The following NOVA2 variants were observed in gnomAD, a reference collection of about 807,000 sequenced individuals.
NOVA2 encodes the protein NOVA alternative splicing regulator 2, also known as RNA-binding protein Nova-2.
A neutral mutation model predicts 22.5 loss-of-function variants in NOVA2; 9 were observed. The ratio of observed to expected loss-of-function variants is 0.40; its 90% CI spans 0.24 to 0.70. NOVA2 has a LOEUF of 0.70. Ranked by LOEUF, NOVA2 falls within the 30% of genes least tolerant of loss-of-function variation. The pLI is 0.38. For missense variants in NOVA2, 383 were observed against 682.8 expected (o/e 0.56, Z 4.89); for synonymous variants, 318 against 335.2 (o/e 0.95, Z 0.56).
chr19:45,934,467 G>A lies in NOVA2; in HGVS notation c.*5396C>T, dbSNP rs78516034. 1,688 of 152,276 alleles carry A rather than the reference G, an allele frequency of 0.011. 16 individuals carry two copies. Among genetic ancestry groups the A allele is most frequent in the South Asian group, 0.021 (100 of 4,820 alleles). 9.4% of individuals were successfully genotyped at this position (152,276 alleles called of 1,614,324 possible). On this transcript the variant is annotated 3_prime_UTR_variant, in exon 4 of 4. Transcript: ENST00000263257. Reference sequence around the variant, plus strand: ...TCCACACCTCTCCCACCACCCTGCCGGGGAATCTATGCACCCCATCCCTCT... The same window carrying A: ...TCCACACCTCTCCCACCACCCTGCCAGGGAATCTATGCACCCCATCCCTCT...
At chr19:45,947,275 T>C (rs1600602258) in intron 3 of NOVA2, among the ~76,000 whole-genome samples, 1 of 151,982 alleles carries the variant, frequency 6.6e-6, no homozygotes, top group African/African-American at 2.4e-5. Context: ...AGCGAATAAA[T>C]AGACGGATGA....
chr19:45,970,964 C>T (rs1417770072), intron 1 of NOVA2, among the ~76,000 whole-genome samples: 2 of 152,086 alleles, frequency 1.3e-5, no homozygotes, highest in East Asian at 1.9e-4. Flanking sequence ...CTAGTTTCCC[C>T]GCTGTGGAGG....
At position 45,939,909 on chromosome 19, in the gene NOVA2, G is replaced by C. The variant is rs1349741250; in HGVS notation, c.1433C>G (p.Thr478Ser). 2.5e-6 allele frequency: 4 copies of C among 1,614,094 alleles called. No homozygotes were observed. The highest frequency in any genetic ancestry group is 3.4e-6 in the Non-Finnish European group (4 of 1,180,040). Residue 478 changes from threonine (T) to serine (S), a missense_variant, in exon 4 of 4, where the codon ACC (threonine) becomes AGC (serine). This residue lies in a region of NOVA2 where 34 missense variants were observed against 104.7 expected (regional missense o/e 0.32). Coordinates refer to ENST00000263257, the MANE Select transcript of NOVA2 (RefSeq NM_002516.4). ...AAQYLISQRV[T>S]YEQGVRASNP... ...TGAGGCCCTCACTCCCTGCTCGTAG[G>C]TGACCCGCTGACTGATGAGGTATTG...
intron 2 of NOVA2, among the ~76,000 whole-genome samples, chr19:45,960,641 T>G (rs1458962952): frequency 1.3e-5 from 2 of 150,966 alleles, no homozygotes; most frequent in Non-Finnish European, 2.9e-5. Flanking sequence ...GGAGCAAGTG[T>G]GTGGAACATG....
chr19:45,940,203 G>T lies in NOVA2; in HGVS notation c.1139C>A (p.Pro380Gln). 1 of 1,392,978 alleles carries T rather than the reference G, an allele frequency of 7.2e-7. No homozygotes were observed. The highest frequency in any genetic ancestry group is 2.7e-5 in the Admixed American group (1 of 36,506). The allele number at this position is 1,392,978 out of a possible 1,614,324, so 86.3% of individuals were successfully genotyped here. A position where few individuals can be genotyped will look rare whatever the true frequency, so the allele number is the denominator to read the frequency against. ...GGCCGCGGCTGCAGCGGCCACCAGC[G>T]GGCCGCCCCCTCCGCCCGCCCCGCC... Reference protein sequence around the residue: ...AGGGAGGGGGPLVAAAAAAGA... With the variant: ...AGGGAGGGGGQLVAAAAAAGA... Residue 380 changes from proline to glutamine, a missense_variant, in exon 4 of 4, where the codon CCG (proline) becomes CAG (glutamine). By Grantham distance (76) the Pro-to-Gln change is moderately conservative. Transcript: ENST00000263257.
intron 1 of NOVA2, 71 bp downstream of exon 1, chr19:45,973,196 G>T (rs952424209): frequency 2.8e-5 from 21 of 759,872 alleles, no homozygotes; most frequent in African/African-American, 3.7e-5. Flanking sequence ...TGCCACGGGA[G>T]GGGGGGAAAG....
At chr19:45,967,403 AG>A (rs1474784965) in intron 1 of NOVA2, 1 of 152,122 alleles carries the variant, frequency 6.6e-6, no homozygotes, top group Non-Finnish European at 1.5e-5. Context: ...CTTGTGAGAA[AG>A]TTCTCCCTTG....
At chr19:45,955,587 C>T (rs188334764) in intron 2 of NOVA2, among the ~76,000 whole-genome samples, 63 of 152,072 alleles carry the variant, frequency 4.1e-4, no homozygotes, top group Non-Finnish European at 7.4e-4. Context: ...TGGCCGGGTG[C>T]GGTGGCTCAC....
chr19:45,949,191 T>A (rs975010676), intron 3 of NOVA2, among the ~76,000 whole-genome samples: 1 of 152,010 alleles, frequency 6.6e-6, no homozygotes, highest in African/African-American at 2.4e-5. Flanking sequence ...TTTGGCATGA[T>A]GAAAATGTTC....
In NOVA2 at chr19:45,937,887, T is replaced by C. The variant is rs1410702276; in HGVS notation, c.*1976A>G. 2 of 152,188 alleles carry C rather than the reference T, an allele frequency of 1.3e-5. No homozygotes were observed. Among genetic ancestry groups the C allele is most frequent in the Non-Finnish European group, 2.9e-5 (2 of 68,028 alleles). The allele number at this position is 152,188 out of a possible 1,614,324, so 9.4% of individuals were successfully genotyped here. ...TCTCTAGCAAGGGAGAGGGATCTCCTAGGCTTTAGGGGCAGGAATTGTCTC... is the reference window on the plus strand; with the variant it reads ...TCTCTAGCAAGGGAGAGGGATCTCCCAGGCTTTAGGGGCAGGAATTGTCTC... On this transcript the variant is annotated 3_prime_UTR_variant, in exon 4 of 4. Coordinates refer to ENST00000263257, the MANE Select transcript of NOVA2 (RefSeq NM_002516.4).
At chr19:45,943,708 A>G (rs1473917134) in intron 3 of NOVA2, among the ~76,000 whole-genome samples, 1 of 149,880 alleles carries the variant, frequency 6.7e-6, no homozygotes, top group Non-Finnish European at 1.5e-5. Flanking sequence ...ACACAGTGAA[A>G]CCCTGACTCA....
At chr19:45,952,528 A>C (rs1439387939) in intron 3 of NOVA2, among the ~76,000 whole-genome samples, 1 of 152,032 alleles carries the variant, frequency 6.6e-6, no homozygotes, top group Non-Finnish European at 1.5e-5. Context: ...GATTAGGGGG[A>C]GGGGGTAGAA....
chr19:45,950,656 T>C (rs1416316957), intron 3 of NOVA2, among the ~76,000 whole-genome samples: 2 of 152,164 alleles, frequency 1.3e-5, no homozygotes, highest in African/African-American at 4.8e-5. Context: ...TAATACATGC[T>C]TAGAATCTTG....
chr19:45,959,669 G>A (rs949828530), intron 2 of NOVA2, among the ~76,000 whole-genome samples: 1 of 151,660 alleles, frequency 6.6e-6, no homozygotes, highest in Non-Finnish European at 1.5e-5. Context: ...TTAGTGAGAT[G>A]GGAGGCTGGG....
At chr19:45,965,623 G>A (rs148953547) in intron 1 of NOVA2, among the ~76,000 whole-genome samples, 219 of 152,242 alleles carry the variant, frequency 1.4e-3, no homozygotes, top group African/African-American at 4.2e-3. Context: ...CCAGCTACTC[G>A]GGAGGCTGGG....
Position 45,940,832 on chromosome 19 carries a change from C to T in NOVA2, c.510G>A (p.Pro170=), listed in dbSNP as rs772334065. The T allele has an allele frequency of 1.9e-6, 3 of 1,605,978 alleles. No homozygotes were observed. In the South Asian group the frequency reaches 3.3e-5, roughly 18 times the overall value. Residue 170 remains proline, a synonymous_variant, in exon 4 of 4, where the codon CCG becomes CCA. Coordinates refer to ENST00000263257, the MANE Select transcript of NOVA2 (RefSeq NM_002516.4). ...CGCGCTCCTGCAGGTTGATGCCCTC[C>T]GGCTTCTGGGACAGCTGCACCCATG... ...SGAWVQLSQK[P]EGINLQERVV...
chr19:45,953,546 C>G (rs1249479308), intron 3 of NOVA2, among the ~76,000 whole-genome samples: 2 of 152,134 alleles, frequency 1.3e-5, no homozygotes, highest in Non-Finnish European at 2.9e-5. Flanking sequence ...CCACATTCTC[C>G]CAGACCTTCA....
At chr19:45,964,348 TTGTGTGTGTGTGTGTGTGTGTG>T (rs57818599) in intron 1 of NOVA2, among the ~76,000 whole-genome samples, 10 of 119,508 alleles carry the variant, frequency 8.4e-5, no homozygotes, top group South Asian at 6.4e-4. Flanking sequence ...CCCGGCTAAT[TTGTGTGTGTGTGTGTGTGTGTG>T]TGTGTGTGTG....
Position 45,940,557 on chromosome 19 carries a change from C to T in NOVA2, c.785G>A (p.Gly262Glu). 1 of 1,467,040 alleles carries T rather than the reference C, an allele frequency of 6.8e-7. No homozygotes were observed. The highest frequency in any genetic ancestry group is 9.0e-7 in the Non-Finnish European group (1 of 1,111,228). The allele number at this position is 1,467,040 out of a possible 1,614,324, so 90.9% of individuals were successfully genotyped here. The change falls in exon 4 of 4, where the codon GGG becomes GAG. Residue 262 changes from glycine to glutamate, a missense_variant. By Grantham distance (98) the Gly-to-Glu change is moderately conservative. Coordinates refer to ENST00000263257, the MANE Select transcript of NOVA2 (RefSeq NM_002516.4). ...GGCGGGCAGCGCGGCGGGAAAGGCC[C>T]CCACGCCAGCCAGCCCGGCGGGGCC... ...LLGPAGLAGV[G>E]AFPAALPAFS... is the part of the protein sequence containing the mutation.
Sources: gnomAD v4.1 joint callset for allele counts (sites outside exome capture counted in the v4.1 genomes callset) on GRCh38, gnomAD v4.1.1 for gene constraint, gnomAD v4.1.1 regional missense constraint, MANE v1.5 for transcripts, NCBI Gene and HGNC (gene_info 2026-07-23, HGNC 2026-07-21) for gene names.